ARHGEF18: variants seen among roughly 807,000 people sequenced by gnomAD.
ARHGEF18 encodes Rho/Rac guanine nucleotide exchange factor 18, also known as rho guanine nucleotide exchange factor 18.
ARHGEF18 carries 93 observed loss-of-function variants against 155.7 expected under a neutral mutation model. The observed-to-expected ratio is 0.60, with a 90% confidence interval of 0.50 to 0.71. The LOEUF (loss-of-function observed/expected upper bound fraction) is 0.71. ARHGEF18 is among the 30% of genes least tolerant of loss of function. The pLI is 0.00. For synonymous variants in ARHGEF18, 742 were observed against 753.1 expected (o/e 0.99, Z 0.24); for missense variants, 1,593 against 1,816.1 (o/e 0.88, Z 2.23).
At chr19:7,460,451 C>G (rs1293162979) in intron 20 of ARHGEF18, among the ~76,000 whole-genome samples, 1 of 152,164 alleles carries the variant, frequency 6.6e-6, no homozygotes, top group Admixed American at 6.5e-5. Flanking sequence ...GGTTCAGGGG[C>G]ATTTCAGTGC....
At chr19:7,368,788 T>A (rs549922672) in intron 2 of ARHGEF18, among the ~76,000 whole-genome samples, 3 of 151,818 alleles carry the variant, frequency 2.0e-5, no homozygotes, top group Admixed American at 6.6e-5. Context: ...ATGGAGCCAT[T>A]TGGGGGGTAA....
At chr19:7,434,116 A>T (rs1974124834) in intron 10 of ARHGEF18, among the ~76,000 whole-genome samples, 1 of 151,542 alleles carries the variant, frequency 6.6e-6, no homozygotes, top group South Asian at 2.1e-4. Flanking sequence ...AAGCTTTGTC[A>T]TCTAACTTGC....
intron 10 of ARHGEF18, among the ~76,000 whole-genome samples, chr19:7,425,815 C>A (rs1479449003): frequency 6.6e-6 from 1 of 151,964 alleles, no homozygotes; most frequent in Admixed American, 6.6e-5. Flanking sequence ...GCCTGGGCAA[C>A]ATAGCAACAC....
At chr19:7,409,057 C>CT (rs1013156166) in intron 10 of ARHGEF18, among the ~76,000 whole-genome samples, 6,672 of 115,522 alleles carry the variant, frequency 0.058, 725 homozygotes, top group African/African-American at 0.2. Context: ...GACCCTGTTT[C>CT]TTTTTTTTTT....
Position 7,398,431 on chromosome 19 carries a change from C to T in ARHGEF18, c.967+15228C>T, listed in dbSNP as rs190682631. The stretch of plus-strand genomic sequence containing the variant: ...AGAAAAGAGACCGGGCACCATGGCT[C>T]ACACCTGTAATCCCAACACCTTGGG... On this transcript the variant is annotated intron_variant, in intron 10 of 28. Coordinates refer to ENST00000668164, the MANE Select transcript of ARHGEF18 (RefSeq NM_001367823.1). Among the ~76,000 whole-genome samples, 653 of 152,184 alleles carry T rather than the reference C, an allele frequency of 4.3e-3. 11 individuals are homozygous for T. Among genetic ancestry groups the T allele is most frequent in the African/African-American group, 0.015 (632 of 41,544 alleles).
intron 5 of ARHGEF18, among the ~76,000 whole-genome samples, chr19:7,377,076 C>CT (rs113555255): frequency 0.035 from 5,113 of 146,940 alleles, 229 homozygotes; most frequent in African/African-American, 0.1. Context: ...CTCTATGACT[C>CT]TTTTTTTTTT....
At chr19:7,411,238 C>G (rs1272638125) in intron 10 of ARHGEF18, among the ~76,000 whole-genome samples, 1 of 150,180 alleles carries the variant, frequency 6.7e-6, no homozygotes, top group Admixed American at 6.8e-5. Context: ...TCTTCCTGTT[C>G]CTTTCCCCTA....
At chr19:7,446,602 A>G (rs1975004505) in intron 14 of ARHGEF18, among the ~76,000 whole-genome samples, 2 of 151,394 alleles carry the variant, frequency 1.3e-5, no homozygotes, top group Middle Eastern at 3.2e-3. Flanking sequence ...TTAGCAGGGC[A>G]TGGTGGCATG....
chr19:7,453,458 G>A lies in ARHGEF18; in HGVS notation c.1856-9G>A. ...AAAAGAAAGACGCTAACTCTGCTATGTGTGGCAGCTGGCACTGAGGACTAT... is the reference window on the plus strand; with the variant it reads ...AAAAGAAAGACGCTAACTCTGCTATATGTGGCAGCTGGCACTGAGGACTAT... On this transcript the variant is annotated splice_polypyrimidine_tract_variant and intron_variant, in intron 16 of 28. Coordinates refer to ENST00000668164, the MANE Select transcript of ARHGEF18 (RefSeq NM_001367823.1). 1 of 1,585,124 alleles carries A rather than the reference G, an allele frequency of 6.3e-7. No individual in the cohort carries two copies. The highest frequency in any genetic ancestry group is 8.6e-7 in the Non-Finnish European group (1 of 1,162,148).
At chr19:7,363,351 T>C (rs1017348259) in intron 2 of ARHGEF18, among the ~76,000 whole-genome samples, 3 of 150,280 alleles carry the variant, frequency 2.0e-5, no homozygotes, top group African/African-American at 7.4e-5. Flanking sequence ...GATGGGTGAA[T>C]AAAAAGAAGA....
intron 10 of ARHGEF18, among the ~76,000 whole-genome samples, chr19:7,396,318 C>T (rs1449753818): frequency 2.6e-5 from 4 of 152,156 alleles, no homozygotes; most frequent in African/African-American, 2.4e-5. Flanking sequence ...GCCCCATTCT[C>T]TTCCCATTGA....
At chr19:7,411,136 G>A (rs1206771027) in intron 10 of ARHGEF18, among the ~76,000 whole-genome samples, 1 of 152,038 alleles carries the variant, frequency 6.6e-6, no homozygotes, top group Non-Finnish European at 1.5e-5. Flanking sequence ...GCAGCGCAGG[G>A]CCTCTCCACC....
chr19:7,455,615 G>A (rs78836102), intron 17 of ARHGEF18, among the ~76,000 whole-genome samples: 4,058 of 152,232 alleles, frequency 0.027, 181 homozygotes, highest in East Asian at 0.14. Context: ...AGAGAGCTCC[G>A]TTCACATCTG....
intron 10 of ARHGEF18, among the ~76,000 whole-genome samples, chr19:7,429,638 A>G (rs1457788918): frequency 6.6e-6 from 1 of 152,196 alleles, no homozygotes; most frequent in Non-Finnish European, 1.5e-5. Context: ...AACAGGCAGA[A>G]GGCAGAACTG....
chr19:7,379,712 G>A (rs986228757), intron 7 of ARHGEF18, among the ~76,000 whole-genome samples: 4 of 152,158 alleles, frequency 2.6e-5, no homozygotes, highest in African/African-American at 9.7e-5. Flanking sequence ...TCCTGCCTAA[G>A]ACACTGCCAT....
chr19:7,351,317 G>T (rs1969150458), intron 1 of ARHGEF18, among the ~76,000 whole-genome samples: 2 of 151,600 alleles, frequency 1.3e-5, no homozygotes, highest in Non-Finnish European at 2.9e-5. Flanking sequence ...TTGTTTGTTT[G>T]TTTGTTTGTT....
At chr19:7,360,423 A>G (rs1600177340) in intron 1 of ARHGEF18, among the ~76,000 whole-genome samples, 1 of 151,988 alleles carries the variant, frequency 6.6e-6, no homozygotes, top group South Asian at 2.1e-4. Flanking sequence ...TTCAGTAGAG[A>G]CTAGGTTTCG....
rs1568270306 is a variant in ARHGEF18, at chr19:7,367,873, T to TATATATATACAC, written c.16-4930_16-4929insCACATATATATA. Among the ~76,000 whole-genome samples, 191 of 39,124 alleles carry TATATATATACAC rather than the reference T, an allele frequency of 4.9e-3. 47 individuals carry two copies. The highest frequency in any genetic ancestry group is 1.0e-2 in the African/African-American group (48 of 4,810). 25.7% of individuals were successfully genotyped at this position (39,124 alleles called of 152,430 possible). A position where few individuals can be genotyped will look rare whatever the true frequency, so the allele number is the denominator to read the frequency against. On this transcript the variant is annotated intron_variant, in intron 2 of 28. Transcript: ENST00000668164. ...ATATATATACACATATATATTTTTA[T>TATATATATACAC]ATATATATATTTTATATATATTTTT...
At chr19:7,452,337 C>T (rs749120817) in intron 16 of ARHGEF18, among the ~76,000 whole-genome samples, 17 of 152,158 alleles carry the variant, frequency 1.1e-4, no homozygotes, top group African/African-American at 1.7e-4. Context: ...CCACAGCTCT[C>T]GCTTCACCAC....
Sources: allele counts gnomAD v4.1 joint callset (sites outside exome capture counted in the v4.1 genomes callset), GRCh38; gene constraint gnomAD v4.1.1; transcripts MANE v1.5; gene names NCBI Gene and HGNC (gene_info 2026-07-23, HGNC 2026-07-21).